Variants in CNTN4 observed in about 807,000 individuals in gnomAD.
The protein encoded by CNTN4 is contactin-4.
In CNTN4, 77 loss-of-function variants were observed where a neutral mutation model predicts 122.5. The observed-to-expected ratio is 0.63, with a 90% CI of 0.52 to 0.76. The LOEUF (loss-of-function observed/expected upper bound fraction) is 0.76, where lower values mean the gene tolerates loss of function less well. Among genes scored for constraint, CNTN4 ranks in the 30% least tolerant of loss-of-function variants. The probability of loss-of-function intolerance (pLI) is 0.00; values close to 1 mark genes in which losing one functional copy is unlikely to be tolerated. For missense variants in CNTN4, 1,256 were observed against 1,259.1 expected (o/e 1.00, Z 0.04); for synonymous variants, 512 against 447.0 (o/e 1.15, Z -1.83).
intron 2 of CNTN4, among the ~76,000 whole-genome samples, chr3:2,334,692 C>T (rs1383852382): frequency 6.6e-6 from 1 of 152,114 alleles, no homozygotes; most frequent in African/African-American, 2.4e-5. Context: ...CAATGGTGAT[C>T]ACATACACAT....
At chr3:2,815,420 A>C (rs2092703865) in intron 6 of CNTN4, among the ~76,000 whole-genome samples, 1 of 152,204 alleles carries the variant, frequency 6.6e-6, no homozygotes, top group Non-Finnish European at 1.5e-5. Context: ...CCCATCAAAA[A>C]AGTGGACTAA....
chr3:2,369,048 C>G (rs57756639), intron 3 of CNTN4, among the ~76,000 whole-genome samples: 1 of 151,920 alleles, frequency 6.6e-6, no homozygotes, highest in African/African-American at 2.4e-5. Context: ...CCTCAGCTCC[C>G]GAGTAGCTGG....
At chr3:2,653,079 AT>A (rs1357127725) in intron 4 of CNTN4, among the ~76,000 whole-genome samples, 1 of 152,020 alleles carries the variant, frequency 6.6e-6, no homozygotes, top group Admixed American at 6.6e-5. Flanking sequence ...AATGAAGCTA[AT>A]TTTTTTGTGT....
chr3:3,041,912 T>A (rs1423398301), intron 20 of CNTN4, among the ~76,000 whole-genome samples: 6 of 152,176 alleles, frequency 3.9e-5, no homozygotes, highest in South Asian at 4.1e-4. Flanking sequence ...TGAGCCATGA[T>A]TGTGCCACTA....
intron 14 of CNTN4, among the ~76,000 whole-genome samples, chr3:3,003,714 A>AAC (rs1696300635): frequency 9.1e-6 from 1 of 110,282 alleles, no homozygotes; most frequent in Non-Finnish European, 2.1e-5. Flanking sequence ...AAAAAAAAAA[A>AAC]CAAAAAAACC....
At chr3:2,880,386 C>A (rs543454134) in intron 8 of CNTN4, among the ~76,000 whole-genome samples, 1 of 152,328 alleles carries the variant, frequency 6.6e-6, no homozygotes, top group Non-Finnish European at 1.5e-5. Context: ...ATTAACACTG[C>A]TCTCAGAGTA....
chr3:2,639,250 C>T (rs911585861), intron 4 of CNTN4, among the ~76,000 whole-genome samples: 2 of 152,136 alleles, frequency 1.3e-5, no homozygotes, highest in African/African-American at 4.8e-5. Context: ...CCTCCTAATT[C>T]TATTCTATGA....
chr3:2,180,028 T>G, intron 2 of CNTN4, among the ~76,000 whole-genome samples: 1 of 151,560 alleles, frequency 6.6e-6, no homozygotes, highest in African/African-American at 2.4e-5. Flanking sequence ...TTTCAAGGGC[T>G]CCATAGCCAT....
intron 2 of CNTN4, among the ~76,000 whole-genome samples, chr3:2,199,016 C>G (rs536766509): frequency 2.8e-4 from 42 of 152,202 alleles, no homozygotes; most frequent in Admixed American, 5.2e-4. Context: ...AAGTGTCTTT[C>G]TGGGTCATGC....
chr3:2,398,772 A>T (rs1423711589), intron 3 of CNTN4, among the ~76,000 whole-genome samples: 3 of 152,168 alleles, frequency 2.0e-5, no homozygotes, highest in Non-Finnish European at 4.4e-5. Flanking sequence ...CTTGGAAATG[A>T]TCACTGATCT....
chr3:2,662,396 A>G (rs1188647211), intron 4 of CNTN4, among the ~76,000 whole-genome samples: 1 of 152,190 alleles, frequency 6.6e-6, no homozygotes, highest in East Asian at 1.9e-4. Flanking sequence ...TCAGTGTGTG[A>G]CTTTCCAGAT....
chr3:3,024,362 T>C (rs145806896), intron 14 of CNTN4, among the ~76,000 whole-genome samples: 26 of 147,578 alleles, frequency 1.8e-4, no homozygotes, highest in African/African-American at 6.3e-4. Flanking sequence ...GAGTAAGATT[T>C]GTACTTACCT....
chr3:2,990,586 G>A (rs1694965739), intron 14 of CNTN4, among the ~76,000 whole-genome samples: 1 of 152,142 alleles, frequency 6.6e-6, no homozygotes, highest in Non-Finnish European at 1.5e-5. Flanking sequence ...TTTCCCATCA[G>A]AGTTTGCATC....
intron 3 of CNTN4, among the ~76,000 whole-genome samples, chr3:2,420,075 T>C (rs188352627): frequency 6.6e-6 from 1 of 152,280 alleles, no homozygotes; most frequent in Non-Finnish European, 1.5e-5. Context: ...TACAGTGCAA[T>C]AGTACAAGCA....
chr3:2,277,740 A>G (rs1317242637), intron 2 of CNTN4, among the ~76,000 whole-genome samples: 2 of 152,080 alleles, frequency 1.3e-5, no homozygotes, highest in Non-Finnish European at 2.9e-5. Flanking sequence ...GTCACTTGGA[A>G]AATATTGATT....
chr3:2,298,025 C>A (rs568607577), intron 2 of CNTN4, among the ~76,000 whole-genome samples: 2 of 152,132 alleles, frequency 1.3e-5, no homozygotes. Flanking sequence ...AGCCAGCGTG[C>A]CTGGTCATCT....
chr3:3,002,545 G>A (rs952245176), intron 14 of CNTN4, among the ~76,000 whole-genome samples: 2 of 152,150 alleles, frequency 1.3e-5, no homozygotes, highest in African/African-American at 4.8e-5. Context: ...TACAATTTGT[G>A]AATATGGGAA....
chr3:2,500,892 T>C (rs542160082), intron 3 of CNTN4, among the ~76,000 whole-genome samples: 8 of 152,316 alleles, frequency 5.3e-5, no homozygotes, highest in African/African-American at 1.4e-4. Flanking sequence ...TTTTCTTCCC[T>C]GCAGAAAGTT....
intron 3 of CNTN4, among the ~76,000 whole-genome samples, chr3:2,366,096 A>G (rs878957875): frequency 6.6e-5 from 10 of 152,260 alleles, no homozygotes; most frequent in Admixed American, 3.9e-4. Context: ...TTATTACATG[A>G]TATTTTCAGC....
Sources: gnomAD v4.1 joint callset for allele counts (sites outside exome capture counted in the v4.1 genomes callset) on GRCh38, gnomAD v4.1.1 for gene constraint, MANE v1.5 for transcripts, NCBI Gene and HGNC (gene_info 2026-07-23, HGNC 2026-07-21) for gene names.